FBXL13: variants seen among roughly 807,000 people sequenced by gnomAD.
The protein encoded by FBXL13 is F-box and leucine rich repeat protein 13, also known as F-box and leucine-rich repeat protein 13.
In FBXL13, 67 loss-of-function variants were observed where a neutral mutation model predicts 83.6. The ratio of observed to expected loss-of-function variants is 0.80; its 90% CI spans 0.66 to 0.98. FBXL13 has a LOEUF of 0.98. Ranked by LOEUF, FBXL13 falls within the 50% of genes least tolerant of loss-of-function variation. FBXL13 has a pLI of 0.00. For missense variants in FBXL13, 822 were observed against 866.5 expected (o/e 0.95, Z 0.64); for synonymous variants, 272 against 299.5 (o/e 0.91, Z 0.95).
At chr7:103,025,209 A>G (rs911838683) in exon 6 of FBXL13, 4 of 1,580,110 alleles carry the variant, frequency 2.5e-6, no homozygotes, top group African/African-American at 2.7e-5. Context: ...CATTTTTTCA[A>G]TTGAAGTTCA....
At chr7:102,877,549 A>G (rs776136747) in exon 16 of FBXL13, 1 of 1,611,188 alleles carries the variant, frequency 6.2e-7, no homozygotes, top group Non-Finnish European at 8.5e-7. Context: ...TTGGGCAGTC[A>G]AATGTTCACA....
chr7:102,971,395 C>T (rs1370638982), intron 6 of FBXL13, among the ~76,000 whole-genome samples: 5 of 151,638 alleles, frequency 3.3e-5, no homozygotes, highest in African/African-American at 7.3e-5. Flanking sequence ...GTTGGGCGTT[C>T]GAGACCAGCC....
chr7:103,047,637 A>G (rs1796402753), intron 2 of FBXL13, among the ~76,000 whole-genome samples: 1 of 152,242 alleles, frequency 6.6e-6, no homozygotes, highest in South Asian at 2.1e-4. Flanking sequence ...CATAATAACT[A>G]TAATTATGGT....
At chr7:102,968,173 T>C (rs1826198303) in intron 6 of FBXL13, 56 bp from the exon 8 acceptor site, 1 of 1,195,324 alleles carries the variant, frequency 8.4e-7, no homozygotes, top group Non-Finnish European at 1.2e-6. Context: ...ATGTAACTTG[T>C]CCACTTACCT....
chr7:102,917,499 C>T (rs184964277), intron 10 of FBXL13, among the ~76,000 whole-genome samples: 19 of 152,224 alleles, frequency 1.2e-4, no homozygotes, highest in Admixed American at 9.8e-4. Context: ...AAAATCACTG[C>T]AGACTTCTGG....
chr7:102,914,842 T>G (rs772066344), intron 10 of FBXL13, among the ~76,000 whole-genome samples: 2 of 152,226 alleles, frequency 1.3e-5, no homozygotes, highest in Non-Finnish European at 2.9e-5. Flanking sequence ...GCTAAAGTTT[T>G]GGAAATGCGT....
intron 11 of FBXL13, among the ~76,000 whole-genome samples, chr7:102,889,221 A>G (rs1811202404): frequency 6.6e-6 from 1 of 152,130 alleles, no homozygotes; most frequent in African/African-American, 2.4e-5. Flanking sequence ...TTCTTTATCT[A>G]TTCCTCACAA....
chr7:102,939,407 G>T, intron 8 of FBXL13: 1 of 1,590,584 alleles, frequency 6.3e-7, no homozygotes, highest in Non-Finnish European at 8.6e-7. Flanking sequence ...GCATAATAAC[G>T]TAAATATTAT....
intron 16 of FBXL13, among the ~76,000 whole-genome samples, chr7:102,856,517 A>G (rs1806073264): frequency 6.6e-6 from 1 of 152,208 alleles, no homozygotes; most frequent in South Asian, 2.1e-4. Flanking sequence ...AATGAAGTGC[A>G]TTTGCTAAAT....
At chr7:102,929,086 T>A (rs1424671755) in intron 9 of FBXL13, among the ~76,000 whole-genome samples, 1 of 152,188 alleles carries the variant, frequency 6.6e-6, no homozygotes, top group Non-Finnish European at 1.5e-5. Flanking sequence ...ATTAAACAAC[T>A]AATTTAAATG....
At chr7:102,897,816 T>A (rs991943688) in intron 11 of FBXL13, among the ~76,000 whole-genome samples, 2 of 152,266 alleles carry the variant, frequency 1.3e-5, no homozygotes, top group African/African-American at 4.8e-5. Context: ...AAAAGGAGAA[T>A]TGAGTGAAAC....
chr7:103,017,278 G>A (rs1015946184), intron 6 of FBXL13, among the ~76,000 whole-genome samples: 3 of 150,832 alleles, frequency 2.0e-5, no homozygotes, highest in Admixed American at 6.6e-5. Context: ...ACTGTCAGAA[G>A]GAAAATTAAC....
intron 11 of FBXL13, among the ~76,000 whole-genome samples, chr7:102,890,369 A>G (rs115331679): frequency 0.014 from 2,082 of 152,222 alleles, 59 homozygotes; most frequent in African/African-American, 0.048. Flanking sequence ...TTTGACACCA[A>G]CTGGAGCCCT....
intron 6 of FBXL13, among the ~76,000 whole-genome samples, chr7:102,989,334 C>T (rs570195086): frequency 6.6e-6 from 1 of 152,216 alleles, no homozygotes; most frequent in Non-Finnish European, 1.5e-5. Flanking sequence ...GAACAGAATG[C>T]ATCGCAAAGT....
At chr7:102,879,880 G>A (rs557295812) in intron 14 of FBXL13, among the ~76,000 whole-genome samples, 15 of 152,232 alleles carry the variant, frequency 9.9e-5, no homozygotes, top group African/African-American at 3.6e-4. Flanking sequence ...CTAATTCTGT[G>A]TATTTTTAGT....
In FBXL13 at chr7:103,029,285, C is replaced by T. The variant is rs917121001; in HGVS notation, c.68+66G>A. 2.1e-5 allele frequency: 21 copies of T among 1,007,520 alleles called. No homozygotes were observed. In the African/African-American group the frequency reaches 3.4e-4, roughly 16 times the overall value. 62.4% of individuals were successfully genotyped at this position (1,007,520 alleles called of 1,614,324 possible). A position where few individuals can be genotyped will look rare whatever the true frequency, so the allele number is the denominator to read the frequency against. On this transcript the variant is annotated intron_variant, in intron 3 of 19. Transcript: ENST00000313221. ...CACAACTGGCCAAAAGTGAATTTTT[C>T]TTTGCACGGAGAATATCAAGAATAA...
intron 7 of FBXL13, among the ~76,000 whole-genome samples, chr7:102,964,277 C>T (rs574033079): frequency 1.3e-5 from 2 of 149,930 alleles, no homozygotes; most frequent in South Asian, 4.2e-4. Context: ...TGCCACTGCA[C>T]TCCAGCCTAG....
intron 6 of FBXL13, among the ~76,000 whole-genome samples, chr7:103,012,318 T>G (rs890042947): frequency 3.4e-5 from 5 of 146,590 alleles, no homozygotes; most frequent in African/African-American, 5.1e-5. Flanking sequence ...GAGATTGCAG[T>G]GAGCCGAGAT....
intron 10 of FBXL13, among the ~76,000 whole-genome samples, chr7:102,914,443 C>G (rs1220328563): frequency 2.0e-5 from 3 of 152,212 alleles, no homozygotes; most frequent in East Asian, 1.9e-4. Flanking sequence ...CAATCATGCT[C>G]TTAGTTTGTG....
Sources: gnomAD v4.1 joint callset for allele counts (sites outside exome capture counted in the v4.1 genomes callset) on GRCh38, gnomAD v4.1.1 for gene constraint, MANE v1.5 for transcripts, NCBI Gene and HGNC (gene_info 2026-07-23, HGNC 2026-07-21) for gene names.